Variants in CRTAC1 observed in about 807,000 individuals in gnomAD.
CRTAC1 encodes cartilage acidic protein 1.
CRTAC1 carries 37 observed loss-of-function variants against 67.8 expected under a neutral mutation model. That is an observed-to-expected ratio of 0.55 (90% confidence interval 0.42 to 0.72). CRTAC1 has a LOEUF of 0.72. Among genes scored for constraint, CRTAC1 ranks in the 30% least tolerant of loss-of-function variants. The pLI is 0.00. For synonymous variants in CRTAC1, 348 were observed against 371.0 expected, an observed-to-expected ratio of 0.94 and a Z score of 0.71; for missense variants, 780 against 931.6, an observed-to-expected ratio of 0.84 and a Z score of 2.12.
At chr10:97,882,062 T>C (rs929417280) in intron 13 of CRTAC1, among the ~76,000 whole-genome samples, 2 of 152,140 alleles carry the variant, frequency 1.3e-5, no homozygotes, top group African/African-American at 4.8e-5. Context: ...ATCTGTCTTG[T>C]TTACTCCTGT....
At chr10:97,908,938 C>T (rs1030156927) in intron 5 of CRTAC1, among the ~76,000 whole-genome samples, 4 of 152,204 alleles carry the variant, frequency 2.6e-5, no homozygotes, top group Non-Finnish European at 5.9e-5. Context: ...GCTGTGAACA[C>T]TGGCTACCTT....
At position 97,914,055 on chromosome 10, in the gene CRTAC1, T is replaced by C. The variant is rs1472894260; in HGVS notation, c.715+3445A>G. 2.6e-5 allele frequency among the ~76,000 whole-genome samples: 4 copies of C among 152,210 alleles called. No homozygotes were observed. In the East Asian group the frequency reaches 7.7e-4, roughly 29 times the overall value. ...TTTAAGGCTTCTTTAATCACCACCT[T>C]GCAGCCTGGACAGATGCTGCCTCAA... is the stretch of plus-strand genomic sequence containing the variant. On this transcript the variant is annotated intron_variant, in intron 5 of 14. Coordinates refer to ENST00000370597, the MANE Select transcript of CRTAC1 (RefSeq NM_018058.7).
chr10:97,926,272 C>A (rs532096292), intron 3 of CRTAC1, among the ~76,000 whole-genome samples: 1 of 152,198 alleles, frequency 6.6e-6, no homozygotes, highest in African/African-American at 2.4e-5. Context: ...CCGACCCAGT[C>A]GGCCGGAGTC....
chr10:97,988,680 A>G (rs1243419154), intron 2 of CRTAC1, among the ~76,000 whole-genome samples: 1 of 152,204 alleles, frequency 6.6e-6, no homozygotes, highest in Non-Finnish European at 1.5e-5. Flanking sequence ...AGATCACATC[A>G]TTGCACTCCA....
At chr10:97,872,272 C>T (rs1222537886) in intron 14 of CRTAC1, among the ~76,000 whole-genome samples, 1 of 152,194 alleles carries the variant, frequency 6.6e-6, no homozygotes, top group African/African-American at 2.4e-5. Flanking sequence ...TGAGAAGCAG[C>T]TCAGTACCAT....
chr10:97,977,759 T>C (rs1386632297), intron 2 of CRTAC1, among the ~76,000 whole-genome samples: 4 of 152,164 alleles, frequency 2.6e-5, no homozygotes, highest in African/African-American at 7.2e-5. Context: ...AAACTGAAAC[T>C]TGAAATAACT....
chr10:98,005,087 T>TAC (rs2136688177), intron 2 of CRTAC1, among the ~76,000 whole-genome samples: 1 of 41,034 alleles, frequency 2.4e-5, no homozygotes, highest in East Asian at 9.9e-4. Flanking sequence ...AATACATATA[T>TAC]ATATATATAT....
intron 11 of CRTAC1, among the ~76,000 whole-genome samples, chr10:97,890,677 T>C (rs960143870): frequency 2.0e-5 from 3 of 151,816 alleles, no homozygotes; most frequent in Non-Finnish European, 4.4e-5. Context: ...TTTCTTTTTT[T>C]TTTTTTTGAG....
chr10:97,917,835 A>C (rs749302789), intron 4 of CRTAC1, among the ~76,000 whole-genome samples, 179 bp from the exon 5 acceptor site: 2 of 152,110 alleles, frequency 1.3e-5, no homozygotes, highest in Non-Finnish European at 2.9e-5. Context: ...CTTTTCACAA[A>C]GGCTACCATG....
intron 2 of CRTAC1, among the ~76,000 whole-genome samples, chr10:97,990,486 T>C (rs1344075491): frequency 6.6e-6 from 1 of 152,232 alleles, no homozygotes; most frequent in Non-Finnish European, 1.5e-5. Context: ...CGAGTCCTTC[T>C]CCTTTCCAAC....
intron 3 of CRTAC1, among the ~76,000 whole-genome samples, chr10:97,926,378 C>T (rs930864770): frequency 2.0e-5 from 3 of 152,220 alleles, no homozygotes; most frequent in Admixed American, 6.5e-5. Context: ...CTCTCAGCGT[C>T]GTTGTGGGAA....
chr10:97,931,836 C>T (rs2862050), intron 3 of CRTAC1, among the ~76,000 whole-genome samples: 121,078 of 152,120 alleles, frequency 0.8, 49,658 homozygotes, highest in Non-Finnish European at 0.88. Context: ...TGTGACCCCC[C>T]CCAGGGGATG....
rs2050017198 is a variant in CRTAC1 at position 97,865,889 on chromosome 10, C to A, written c.1820-175G>T. 5.1e-6 allele frequency: 5 copies of A among 971,498 alleles called. No individual in the cohort carries two copies. The South Asian group carries it at 5.7e-5, about 11-fold the overall frequency. 60.2% of individuals were successfully genotyped at this position (971,498 alleles called of 1,614,324 possible). ...CAACCTATGCCCCCTGTCCCTCACC[C>A]CCGTCTGGATCAGTCCATTTCCTGA... On this transcript the variant is annotated intron_variant, in intron 14 of 14. Transcript: ENST00000370597.
intron 1 of CRTAC1, among the ~76,000 whole-genome samples, chr10:98,028,074 T>TA (rs1318377981): frequency 5.9e-5 from 9 of 152,166 alleles, no homozygotes; most frequent in Non-Finnish European, 1.0e-4. Flanking sequence ...CATGAACCCT[T>TA]AAAGAGTTCA....
chr10:97,880,118 A>G, intron 14 of CRTAC1, 131 bp downstream of exon 14: 1 of 1,081,374 alleles, frequency 9.2e-7, no homozygotes, highest in Non-Finnish European at 1.3e-6. Flanking sequence ...GAGACCCAAT[A>G]TGGGTCAAAG....
chr10:97,880,921 C>T (rs549595569), intron 13 of CRTAC1, among the ~76,000 whole-genome samples: 2 of 152,224 alleles, frequency 1.3e-5, no homozygotes, highest in African/African-American at 4.8e-5. Flanking sequence ...GTCTTTCTTG[C>T]CCCCTGTGCA....
chr10:97,926,897 G>A (rs1450538251), intron 3 of CRTAC1, among the ~76,000 whole-genome samples: 2 of 152,138 alleles, frequency 1.3e-5, no homozygotes, highest in Non-Finnish European at 2.9e-5. Flanking sequence ...GCAGGCTTCT[G>A]GGTCTCCAGC....
chr10:97,887,687 A>T (rs558450025), intron 11 of CRTAC1, among the ~76,000 whole-genome samples: 1 of 152,354 alleles, frequency 6.6e-6, no homozygotes, highest in South Asian at 2.1e-4. Flanking sequence ...TAACTTGGGC[A>T]TCCTCTCTGG....
At chr10:97,999,065 A>G (rs1221189482) in intron 2 of CRTAC1, among the ~76,000 whole-genome samples, 1 of 152,210 alleles carries the variant, frequency 6.6e-6, no homozygotes, top group Non-Finnish European at 1.5e-5. Flanking sequence ...CACTGCCATC[A>G]CGCTGGCTGC....
Sources: allele counts gnomAD v4.1 joint callset (sites outside exome capture counted in the v4.1 genomes callset), GRCh38; gene constraint gnomAD v4.1.1; transcripts MANE v1.5; gene names NCBI Gene and HGNC (gene_info 2026-07-23, HGNC 2026-07-21).